The following SNX29 variants were observed in gnomAD, a reference collection of about 807,000 sequenced individuals.
SNX29 encodes sorting nexin 29, also known as sorting nexin-29.
SNX29 carries 78 observed loss-of-function variants against 102.1 expected under a neutral mutation model. That is an observed-to-expected ratio of 0.76 (90% confidence interval 0.64 to 0.92). The LOEUF (loss-of-function observed/expected upper bound fraction) is 0.92. SNX29 is among the 40% of genes least tolerant of loss of function. The probability of loss-of-function intolerance (pLI) is 0.00; values close to 1 mark genes in which losing one functional copy is unlikely to be tolerated. For synonymous variants in SNX29, 580 were observed against 414.5 expected, an observed-to-expected ratio of 1.40 and a Z score of -4.85; for missense variants, 1,280 against 1,061.7, an observed-to-expected ratio of 1.21 and a Z score of -2.86.
chr16:12,353,588 T>C (rs1334449698), intron 15 of SNX29, among the ~76,000 whole-genome samples: 7 of 152,170 alleles, frequency 4.6e-5, no homozygotes, highest in African/African-American at 1.4e-4. Flanking sequence ...ACCACCTCTC[T>C]CCGCCTCCTC....
At chr16:12,413,224 G>T (rs1478547672) in intron 18 of SNX29, among the ~76,000 whole-genome samples, 1 of 152,128 alleles carries the variant, frequency 6.6e-6, no homozygotes, top group African/African-American at 2.4e-5. Flanking sequence ...TTACAAGTGT[G>T]GGGAATGTCT....
intron 16 of SNX29, among the ~76,000 whole-genome samples, chr16:12,368,167 G>C (rs555310853): frequency 1.3e-5 from 2 of 152,210 alleles, no homozygotes; most frequent in Admixed American, 6.5e-5. Context: ...TGGGTGGTCA[G>C]TTTCCCCTGG....
chr16:12,183,711 C>T (rs540571292), intron 13 of SNX29, among the ~76,000 whole-genome samples: 2 of 152,334 alleles, frequency 1.3e-5, no homozygotes, highest in South Asian at 4.1e-4. Context: ...AGGCTGCATT[C>T]CCAGATGGTT....
intron 11 of SNX29, among the ~76,000 whole-genome samples, chr16:12,116,637 A>G (rs1379361180): frequency 2.0e-5 from 3 of 152,198 alleles, no homozygotes; most frequent in African/African-American, 7.2e-5. Context: ...TCACGCCACC[A>G]TACTCCAGCC....
intron 13 of SNX29, among the ~76,000 whole-genome samples, chr16:12,154,005 T>TA (rs2055420841): frequency 1.3e-5 from 2 of 152,298 alleles, no homozygotes; most frequent in South Asian, 4.1e-4. Flanking sequence ...GGTATTTTAT[T>TA]GGGGAATGTT....
chr16:12,156,900 T>A (rs2055575676), intron 13 of SNX29, among the ~76,000 whole-genome samples: 1 of 151,408 alleles, frequency 6.6e-6, no homozygotes, highest in Non-Finnish European at 1.5e-5. Context: ...CAGGGGGCAT[T>A]TTCACTTCTG....
At chr16:12,421,573 A>G (rs2084872550) in intron 18 of SNX29, among the ~76,000 whole-genome samples, 2 of 152,234 alleles carry the variant, frequency 1.3e-5, no homozygotes, top group Admixed American at 6.5e-5. Context: ...GAATTTTCCT[A>G]TCAGAGTGCT....
intron 18 of SNX29, among the ~76,000 whole-genome samples, chr16:12,447,165 C>CAAAAAAAAAAAAAAAA (rs59942122): frequency 2.3e-5 from 1 of 43,916 alleles, no homozygotes; most frequent in Non-Finnish European, 3.8e-5. Context: ...GACTCTGTCT[C>CAAAAAAAAAAAAAAAA]AAAAAAAAAA....
chr16:12,282,079 A>C (rs559185710), intron 15 of SNX29, among the ~76,000 whole-genome samples: 2 of 93,890 alleles, frequency 2.1e-5, no homozygotes, highest in Admixed American at 2.9e-4. Flanking sequence ...GTGAGACTCC[A>C]TCTCAAAAAA....
intron 15 of SNX29, among the ~76,000 whole-genome samples, chr16:12,333,586 T>C (rs906949364): frequency 6.6e-6 from 1 of 152,172 alleles, no homozygotes; most frequent in Non-Finnish European, 1.5e-5. Flanking sequence ...GCACCTGTGA[T>C]GGGCCTGGTG....
intron 18 of SNX29, among the ~76,000 whole-genome samples, chr16:12,431,333 C>CTA (rs57467654): frequency 0.054 from 8,277 of 152,086 alleles, 510 homozygotes; most frequent in African/African-American, 0.15. Context: ...CTCCAATTAA[C>CTA]AGCCCCAGGG....
At chr16:12,112,144 A>T (rs1477222183) in intron 11 of SNX29, among the ~76,000 whole-genome samples, 1 of 152,126 alleles carries the variant, frequency 6.6e-6, no homozygotes, top group Non-Finnish European at 1.5e-5. Context: ...CAACTGCCCA[A>T]CTGTACCTTC....
At chr16:12,014,465 G>A (rs2056780571) in intron 3 of SNX29, among the ~76,000 whole-genome samples, 2 of 151,934 alleles carry the variant, frequency 1.3e-5, no homozygotes, top group South Asian at 4.1e-4. Flanking sequence ...GGGCGCGGTG[G>A]CTCATGCTTG....
chr16:12,479,603 A>G (rs2087812939), intron 19 of SNX29, among the ~76,000 whole-genome samples: 2 of 152,246 alleles, frequency 1.3e-5, no homozygotes, highest in Admixed American at 1.3e-4. Flanking sequence ...TGTTCATAGC[A>G]AAGAGTACAA....
chr16:12,220,973 G>C (rs1464021469), intron 14 of SNX29, among the ~76,000 whole-genome samples: 1 of 152,194 alleles, frequency 6.6e-6, no homozygotes, highest in Non-Finnish European at 1.5e-5. Flanking sequence ...ATAAATATGT[G>C]CTGTACACAT....
intron 13 of SNX29, among the ~76,000 whole-genome samples, chr16:12,159,318 C>T (rs560579941): frequency 1.2e-4 from 19 of 152,326 alleles, no homozygotes; most frequent in Middle Eastern, 3.4e-3. Flanking sequence ...GCTCAGCACA[C>T]TGTATGTTGG....
chr16:12,032,328 C>T (rs2057368622), intron 4 of SNX29, among the ~76,000 whole-genome samples: 5 of 151,786 alleles, frequency 3.3e-5, no homozygotes. Flanking sequence ...CTGCCTCAGC[C>T]TCCCAAGTAG....
At chr16:12,321,510 C>T (rs1021031313) in intron 15 of SNX29, among the ~76,000 whole-genome samples, 1 of 152,198 alleles carries the variant, frequency 6.6e-6, no homozygotes, top group African/African-American at 2.4e-5. Context: ...TTTCTTTCTT[C>T]CGTGGAACAT....
chr16:12,241,904 G>A (rs2078114875), intron 14 of SNX29, among the ~76,000 whole-genome samples: 2 of 152,196 alleles, frequency 1.3e-5, no homozygotes, highest in African/African-American at 4.8e-5. Context: ...CATGTTCAGT[G>A]TGGAAAGGGG....
Sources: allele counts gnomAD v4.1 joint callset (sites outside exome capture counted in the v4.1 genomes callset), GRCh38; gene constraint gnomAD v4.1.1; transcripts MANE v1.5; gene names NCBI Gene and HGNC (gene_info 2026-07-23, HGNC 2026-07-21).